The following SAMMSON variants were observed in gnomAD, a reference collection of about 807,000 sequenced individuals.
SAMMSON encodes the protein survival associated mitochondrial melanoma specific oncogenic non-coding RNA.
At chr3:70,299,227 G>C (rs571597565) in intron 7 of SAMMSON, among the ~76,000 whole-genome samples, 22 of 152,114 alleles carry the variant, frequency 1.4e-4, no homozygotes, top group Non-Finnish European at 3.2e-4. Flanking sequence ...TATGTTTATT[G>C]CCCTAGAAAG....
chr3:70,392,043 C>T (rs1276805222), downstream of SAMMSON, among the ~76,000 whole-genome samples: 2 of 152,090 alleles, frequency 1.3e-5, no homozygotes, highest in Middle Eastern at 3.2e-3. Context: ...CTGTGTCCAA[C>T]AATAGAAGGG....
At chr3:70,136,465 C>A (rs1376008594) in intron 4 of SAMMSON, among the ~76,000 whole-genome samples, 1 of 152,212 alleles carries the variant, frequency 6.6e-6, no homozygotes, top group Non-Finnish European at 1.5e-5. Flanking sequence ...AATGAATCCT[C>A]TGGCCCCAGT....
intron 4 of SAMMSON, among the ~76,000 whole-genome samples, chr3:70,234,576 G>A (rs2106747390): frequency 6.6e-6 from 1 of 151,892 alleles, no homozygotes; most frequent in African/African-American, 2.4e-5. Context: ...GGAAGTCGAG[G>A]CTGCAGTGAG....
At chr3:70,111,851 C>T (rs1243342105) in intron 4 of SAMMSON, among the ~76,000 whole-genome samples, 1 of 151,896 alleles carries the variant, frequency 6.6e-6, no homozygotes, top group Non-Finnish European at 1.5e-5. Flanking sequence ...AAGGGAGAGA[C>T]AGAGAACGAG....
chr3:70,379,510 T>C (rs1170530834), intron 9 of SAMMSON, among the ~76,000 whole-genome samples: 3 of 152,104 alleles, frequency 2.0e-5, no homozygotes, highest in African/African-American at 7.2e-5. Context: ...GAGCAACAAC[T>C]TTACATGACC....
At chr3:70,206,693 G>A (rs978167996) in intron 4 of SAMMSON, 5 of 397,826 alleles carry the variant, frequency 1.3e-5, no homozygotes, top group African/African-American at 2.1e-5. Flanking sequence ...GGTTTTCCTT[G>A]GCTGGTCCAT....
chr3:70,366,671 C>T (rs1394020790), intron 9 of SAMMSON, among the ~76,000 whole-genome samples: 3 of 151,478 alleles, frequency 2.0e-5, no homozygotes, highest in Admixed American at 6.6e-5. Context: ...TTTGTGTGGA[C>T]ATAACTTTGC....
intron 2 of SAMMSON, among the ~76,000 whole-genome samples, chr3:70,421,578 TA>T (rs1196542586): frequency 6.6e-6 from 1 of 152,120 alleles, no homozygotes; most frequent in Non-Finnish European, 1.5e-5. Context: ...AATCAGAATT[TA>T]AATAAAAGTT....
intron 2 of SAMMSON, among the ~76,000 whole-genome samples, chr3:70,432,129 C>T (rs960083081): frequency 8.6e-5 from 13 of 151,866 alleles, no homozygotes; most frequent in Non-Finnish European, 1.8e-4. Context: ...ACAGCCAAAC[C>T]GAGGAATTTG....
At chr3:70,396,580 A>G (rs1701094894) in intron 2 of SAMMSON, among the ~76,000 whole-genome samples, 3 of 152,248 alleles carry the variant, frequency 2.0e-5, no homozygotes, top group Admixed American at 1.3e-4. Flanking sequence ...AGATAAAGTA[A>G]CTGTGAAATA....
chr3:70,226,684 G>A (rs1385583535), intron 4 of SAMMSON, among the ~76,000 whole-genome samples: 2 of 149,824 alleles, frequency 1.3e-5, no homozygotes, highest in Non-Finnish European at 2.9e-5. Flanking sequence ...GTTGCAGTGA[G>A]CCGATATCGT....
intron 9 of SAMMSON, among the ~76,000 whole-genome samples, chr3:70,377,149 G>A (rs1703024324): frequency 6.6e-6 from 1 of 151,992 alleles, no homozygotes; most frequent in African/African-American, 2.4e-5. Context: ...AAATTTAAAA[G>A]GCGAAATAAT....
At chr3:70,187,944 G>T (rs1162206403) in intron 4 of SAMMSON, among the ~76,000 whole-genome samples, 1 of 152,088 alleles carries the variant, frequency 6.6e-6, no homozygotes, top group Non-Finnish European at 1.5e-5. Flanking sequence ...AGGCCATGTA[G>T]CAAGCTCTCT....
chr3:70,154,100 T>C (rs1417111020), intron 4 of SAMMSON, among the ~76,000 whole-genome samples: 1 of 151,996 alleles, frequency 6.6e-6, no homozygotes, highest in Non-Finnish European at 1.5e-5. Flanking sequence ...CTGACTTTTT[T>C]TTTTCCAGCA....
At chr3:70,350,037 C>A (rs1281405398) in intron 7 of SAMMSON, among the ~76,000 whole-genome samples, 3 of 152,120 alleles carry the variant, frequency 2.0e-5, no homozygotes, top group Non-Finnish European at 4.4e-5. Context: ...ACTTAAACTT[C>A]TTCCTTTTGG....
chr3:70,064,011 C>T (rs1490784278), intron 3 of SAMMSON, among the ~76,000 whole-genome samples: 1 of 152,094 alleles, frequency 6.6e-6, no homozygotes, highest in African/African-American at 2.4e-5. Flanking sequence ...CTGGGCTATT[C>T]AGAATACATC....
intron 4 of SAMMSON, among the ~76,000 whole-genome samples, chr3:70,142,899 G>T (rs2067533551): frequency 6.6e-6 from 1 of 151,996 alleles, no homozygotes; most frequent in African/African-American, 2.4e-5. Flanking sequence ...TAATTCAATT[G>T]CTTTAAGCAT....
chr3:70,193,960 G>A (rs931008098), intron 4 of SAMMSON, among the ~76,000 whole-genome samples: 5 of 152,136 alleles, frequency 3.3e-5, no homozygotes, highest in East Asian at 1.9e-4. Flanking sequence ...AAACTGAAGC[G>A]ACTTTCGCTC....
chr3:70,075,593 G>A (rs1444755558), intron 4 of SAMMSON, among the ~76,000 whole-genome samples: 1 of 152,106 alleles, frequency 6.6e-6, no homozygotes, highest in East Asian at 1.9e-4. Flanking sequence ...AGAAGTTATA[G>A]TTCAATTGGT....
Sources: gnomAD v4.1 joint callset for allele counts (sites outside exome capture counted in the v4.1 genomes callset) on GRCh38, gnomAD v4.1.1 for gene constraint, MANE v1.5 for transcripts, NCBI Gene and HGNC (gene_info 2026-07-23, HGNC 2026-07-21) for gene names.